PRKG1: variants seen among roughly 807,000 people sequenced by gnomAD.
PRKG1 encodes the protein protein kinase cGMP-dependent 1, also known as cGMP-dependent protein kinase 1.
A neutral mutation model predicts 88.1 loss-of-function variants in PRKG1; 35 were observed. That is an observed-to-expected ratio of 0.40 (90% CI 0.30 to 0.53). The LOEUF (loss-of-function observed/expected upper bound fraction) is 0.53. Among genes scored for constraint, PRKG1 ranks in the 20% least tolerant of loss-of-function variants. The pLI, the probability that PRKG1 is intolerant of heterozygous loss-of-function variation, is 0.59. For missense variants in PRKG1, 540 were observed against 839.8 expected, an observed-to-expected ratio of 0.64 and a Z score of 4.41; for synonymous variants, 303 against 292.5, an observed-to-expected ratio of 1.04 and a Z score of -0.37.
intron 2 of PRKG1, among the ~76,000 whole-genome samples, chr10:51,189,792 A>G (rs181565439): frequency 5.7e-4 from 87 of 152,104 alleles, no homozygotes; most frequent in Non-Finnish European, 8.8e-5. Flanking sequence ...CAATAAATGA[A>G]TATGCATTTA....
intron 2 of PRKG1, among the ~76,000 whole-genome samples, chr10:51,277,372 G>A (rs1306602130): frequency 6.6e-6 from 1 of 152,184 alleles, no homozygotes; most frequent in Non-Finnish European, 1.5e-5. Context: ...TAGCCTTGTA[G>A]TATAGTTTGA....
At chr10:51,411,670 G>T (rs1294438229) in intron 2 of PRKG1, among the ~76,000 whole-genome samples, 1 of 152,156 alleles carries the variant, frequency 6.6e-6, no homozygotes, top group Non-Finnish European at 1.5e-5. Context: ...TTGTAACTTT[G>T]ATCTCTTTTC....
At chr10:52,150,185 T>TTATTATTATTATTAG (rs1554810292) in intron 8 of PRKG1, among the ~76,000 whole-genome samples, 9 of 149,634 alleles carry the variant, frequency 6.0e-5, no homozygotes, top group Non-Finnish European at 1.2e-4. Flanking sequence ...ATAATAATAA[T>TTATTATTATTATTAG]TTGATTGGCC....
At chr10:51,571,277 A>T (rs1236861567) in intron 3 of PRKG1, among the ~76,000 whole-genome samples, 3 of 151,926 alleles carry the variant, frequency 2.0e-5, no homozygotes, top group African/African-American at 4.8e-5. Context: ...AAAGTAGTTT[A>T]TTGAAAACAA....
intron 2 of PRKG1, among the ~76,000 whole-genome samples, chr10:51,351,423 G>T (rs1161627583): frequency 6.6e-6 from 1 of 152,016 alleles, no homozygotes; most frequent in African/African-American, 2.4e-5. Flanking sequence ...AGCATCTGTT[G>T]TTTCCTGACT....
intron 2 of PRKG1, among the ~76,000 whole-genome samples, chr10:51,247,057 G>A (rs951760247): frequency 2.0e-5 from 3 of 151,954 alleles, no homozygotes; most frequent in Non-Finnish European, 2.9e-5. Context: ...AAGGGAAAAG[G>A]TATGAGAAGG....
At chr10:51,491,934 T>A (rs1462862690) in intron 3 of PRKG1, among the ~76,000 whole-genome samples, 1 of 152,092 alleles carries the variant, frequency 6.6e-6, no homozygotes. Flanking sequence ...ACCTATGCCC[T>A]CTCCATGAAT....
At chr10:51,887,615 C>G (rs1411279483) in intron 4 of PRKG1, among the ~76,000 whole-genome samples, 1 of 152,140 alleles carries the variant, frequency 6.6e-6, no homozygotes, top group Non-Finnish European at 1.5e-5. Context: ...TTTTTGATAA[C>G]AGACATTTTA....
chr10:51,873,083 C>A (rs1443959785), intron 4 of PRKG1, among the ~76,000 whole-genome samples: 1 of 152,012 alleles, frequency 6.6e-6, no homozygotes, highest in African/African-American at 2.4e-5. Flanking sequence ...TATCAAATAC[C>A]TAATTATTTT....
chr10:51,652,334 TGTCTCAGAC>T (rs1437791753), intron 3 of PRKG1, among the ~76,000 whole-genome samples: 34 of 147,896 alleles, frequency 2.3e-4, no homozygotes, highest in African/African-American at 8.1e-4. Context: ...AAAAAAAAGC[TGTCTCAGAC>T]TTATTCTTTA....
intron 5 of PRKG1, among the ~76,000 whole-genome samples, chr10:52,046,155 T>G (rs1459802503): frequency 2.0e-5 from 3 of 152,144 alleles, no homozygotes; most frequent in African/African-American, 7.2e-5. Flanking sequence ...CATTAAACTT[T>G]AGATTGTTCA....
chr10:51,701,690 G>T (rs1007810157), intron 3 of PRKG1, among the ~76,000 whole-genome samples: 1 of 149,116 alleles, frequency 6.7e-6, no homozygotes, highest in Non-Finnish European at 1.5e-5. Flanking sequence ...ATTCTGTCAA[G>T]GGTAACTTAC....
chr10:51,116,221 G>A (rs973757647), intron 1 of PRKG1, among the ~76,000 whole-genome samples: 1 of 152,124 alleles, frequency 6.6e-6, no homozygotes, highest in Non-Finnish European at 1.5e-5. Context: ...CATTATCCAC[G>A]GTAGACTGGC....
chr10:51,957,573 A>G (rs1843345400), intron 5 of PRKG1, among the ~76,000 whole-genome samples: 1 of 152,186 alleles, frequency 6.6e-6, no homozygotes, highest in South Asian at 2.1e-4. Flanking sequence ...GATTATAGGC[A>G]TAAGCCATTG....
chr10:51,511,788 A>C (rs1315601249), intron 3 of PRKG1, among the ~76,000 whole-genome samples: 1 of 152,214 alleles, frequency 6.6e-6, no homozygotes, highest in Non-Finnish European at 1.5e-5. Flanking sequence ...AGCTGAACAC[A>C]TACCAACAGA....
chr10:51,265,486 C>T (rs571192542), intron 2 of PRKG1, among the ~76,000 whole-genome samples: 37 of 152,226 alleles, frequency 2.4e-4, no homozygotes, highest in African/African-American at 8.7e-4. Flanking sequence ...CTAAATCTGG[C>T]AACCCCCTTA....
rs190454767 is a variant in PRKG1, at chr10:51,382,583, A to G, written c.479-85140A>G. Among the ~76,000 whole-genome samples, 1,197 of 135,990 alleles carry G rather than the reference A, an allele frequency of 8.8e-3. 20 individuals are homozygous for G. The highest frequency in any genetic ancestry group is 0.038 in the African/African-American group (1,124 of 29,814). The allele number at this position is 135,990 out of a possible 152,430, so 89.2% of individuals were successfully genotyped here. A position where few individuals can be genotyped will look rare whatever the true frequency, so the allele number is the denominator to read the frequency against. ...TTTATAAGCATCTCATTTTAAAAACAACCTCAAACAATGCTGTGGGGTAAG... is the reference window on the plus strand; with the variant it reads ...TTTATAAGCATCTCATTTTAAAAACGACCTCAAACAATGCTGTGGGGTAAG... On this transcript the variant is annotated intron_variant, in intron 2 of 17. Transcript: ENST00000373980.
chr10:51,118,261 T>A (rs1027859007), intron 1 of PRKG1, among the ~76,000 whole-genome samples: 9 of 152,058 alleles, frequency 5.9e-5, no homozygotes, highest in South Asian at 2.1e-4. Flanking sequence ...TGAAAAAAAA[T>A]AAAAAATAAA....
intron 1 of PRKG1, among the ~76,000 whole-genome samples, chr10:51,144,625 ATTGT>A (rs539884177): frequency 1.1e-3 from 165 of 152,264 alleles, no homozygotes; most frequent in East Asian, 6.7e-3. Context: ...TAGGAGCATG[ATTGT>A]TTGTTTTAAA....
Sources: gnomAD v4.1 joint callset for allele counts (sites outside exome capture counted in the v4.1 genomes callset) on GRCh38, gnomAD v4.1.1 for gene constraint, MANE v1.5 for transcripts, NCBI Gene and HGNC (gene_info 2026-07-23, HGNC 2026-07-21) for gene names.